The following DEDD variants were observed in gnomAD, a reference collection of about 807,000 sequenced individuals.
The protein encoded by DEDD is death effector domain-containing protein.
In DEDD, 3 loss-of-function variants were observed where a neutral mutation model predicts 29.2. The ratio of observed to expected loss-of-function variants is 0.10; its 90% confidence interval spans 0.05 to 0.27. DEDD has a LOEUF of 0.27. Ranked by LOEUF, DEDD falls within the 10% of genes least tolerant of loss-of-function variation. The probability of loss-of-function intolerance (pLI) is 1.00; values close to 1 mark genes in which losing one functional copy is unlikely to be tolerated. For synonymous variants in DEDD, 152 were observed against 161.3 expected (o/e 0.94, Z 0.44); for missense variants, 261 against 420.5 (o/e 0.62, Z 3.32).
Position 161,130,161 on chromosome 1 carries a change from A to T in DEDD, c.-65+654T>A, listed in dbSNP as rs1571239989. Among the ~76,000 whole-genome samples the T allele has an allele frequency of 2.0e-5, 3 of 152,352 alleles. No individual in the cohort carries two copies. The Middle Eastern group carries it at 0.01, about 518-fold the overall frequency. ...CTGTCTTGAAATGAAAATGACAGTC[A>T]TCTTTTCTGAACAGGGATGATATTT... On this transcript the variant is annotated intron_variant, in intron 2 of 5. Coordinates refer to ENST00000368006, the MANE Select transcript of DEDD (RefSeq NM_032998.3).
In DEDD at chr1:161,124,544, G is replaced by A; in HGVS notation, c.-64-18C>T. 7.9e-6 allele frequency: 12 copies of A among 1,523,874 alleles called. No individual in the cohort carries two copies. The highest frequency in any genetic ancestry group is 1.4e-5 in the African/African-American group (1 of 72,472). 94.4% of individuals were successfully genotyped at this position (1,523,874 alleles called of 1,614,324 possible). On this transcript the variant is annotated intron_variant, in intron 2 of 5. Coordinates refer to ENST00000368006, the MANE Select transcript of DEDD (RefSeq NM_032998.3). ...CCACCGTACTGAAAGGGCAGGGAAAGAACCGATGAGACACTCAAGGGCAGG... is the reference window on the plus strand; with the variant it reads ...CCACCGTACTGAAAGGGCAGGGAAAAAACCGATGAGACACTCAAGGGCAGG...
At position 161,121,063 on chromosome 1, in the gene DEDD, A is replaced by C; in HGVS notation, c.*1084T>G. On this transcript the variant is annotated 3_prime_UTR_variant, in exon 6 of 6. Transcript: ENST00000368006. ...GGCATTGAAAAATATAATAATCATA[A>C]AGTCTGTGTCTGGACATCGCCTTTG... 1 of 1,230,494 alleles carries C rather than the reference A, an allele frequency of 8.1e-7. No homozygotes were observed. The highest frequency in any genetic ancestry group is 1.9e-5 in the South Asian group (1 of 53,920). 76.2% of individuals were successfully genotyped at this position (1,230,494 alleles called of 1,614,324 possible). A position where few individuals can be genotyped will look rare whatever the true frequency, so the allele number is the denominator to read the frequency against.
At chr1:161,129,227 G>A (rs969623161) in intron 2 of DEDD, among the ~76,000 whole-genome samples, 1 of 152,180 alleles carries the variant, frequency 6.6e-6, no homozygotes, top group African/African-American at 2.4e-5. Context: ...TGTCATGCAG[G>A]TTAAGAGGCA....
At chr1:161,130,434 AAGTT>A (rs1354523225) in intron 2 of DEDD, among the ~76,000 whole-genome samples, 6 of 152,294 alleles carry the variant, frequency 3.9e-5, no homozygotes, top group South Asian at 2.1e-4. Flanking sequence ...CTGAAAGAGA[AAGTT>A]AGAGGAAAAG....
Position 161,122,054 on chromosome 1 carries a change from A to T in DEDD, c.*93T>A. On this transcript the variant is annotated 3_prime_UTR_variant, in exon 6 of 6. Transcript: ENST00000368006. This position sits in a 1 kb window ranked among gnomAD's most constrained non-coding sequence, Gnocchi z 4.2. ...AAAAAAAAAAAAAGGCAGGGGTGTG[A>T]TTGGTTGGAAGGGTAGAGAACAAAC... is the stretch of plus-strand genomic sequence containing the variant. 2.1e-4 allele frequency: 251 copies of T among 1,203,388 alleles called. No homozygotes were observed. The highest frequency in any genetic ancestry group is 3.0e-4 in the Middle Eastern group (1 of 3,362). The allele number at this position is 1,203,388 out of a possible 1,614,324, so 74.5% of individuals were successfully genotyped here.
At chr1:161,124,557 A>G in intron 2 of DEDD, 31 bp from the exon 3 acceptor site, 3 of 1,509,560 alleles carry the variant, frequency 2.0e-6, no homozygotes, top group Non-Finnish European at 1.8e-6. Context: ...CCGATGAGAC[A>G]CTCAAGGGCA....
In DEDD at chr1:161,124,121, C is replaced by T; in HGVS notation, c.325+17G>A. ...CCCACAACTCTTCCCTGATTCCAGC[C>T]CCTAATACTTCCTCACCAGCCCGTC... is the stretch of plus-strand genomic sequence containing the variant. On this transcript the variant is annotated intron_variant, in intron 3 of 5. Transcript: ENST00000368006. 1.9e-6 allele frequency: 3 copies of T among 1,604,922 alleles called. No homozygotes were observed. Among genetic ancestry groups the T allele is most frequent in the Non-Finnish European group, 2.6e-6 (3 of 1,174,294 alleles).
chr1:161,127,592 T>A (rs377100924), intron 2 of DEDD, among the ~76,000 whole-genome samples: 4 of 152,348 alleles, frequency 2.6e-5, no homozygotes, highest in African/African-American at 9.6e-5. Flanking sequence ...ACAGGAAATG[T>A]AATCCATATA....
rs1306879147 is a variant in DEDD at position 161,123,218 on chromosome 1, G to A, written c.437C>T (p.Pro146Leu). The A allele has an allele frequency of 6.2e-7, 1 of 1,612,490 alleles. No homozygotes were observed. Among genetic ancestry groups the A allele is most frequent in the African/African-American group, 1.3e-5 (1 of 74,886 alleles). The stretch of plus-strand genomic sequence containing the variant: ...GCAACACACCACAGGATAGTGGGGA[G>A]GCACTGACCAGAAAGTAAAAGGGAA... Reference protein sequence around the residue: ...PRPPQPSKTVPPHYPVVCCPT... With the variant: ...PRPPQPSKTVLPHYPVVCCPT... Residue 146 changes from proline to leucine, a missense_variant, in exon 5 of 6, where the codon CCT (proline) becomes CTT (leucine). Around this residue, in one of 2 missense-constraint regions of DEDD, gnomAD observed 203 missense variants for 268.7 expected, o/e 0.76. Transcript: ENST00000368006.
rs771191193 is a variant in DEDD at position 161,124,401 on chromosome 1, T to A, written c.62A>T (p.His21Leu). 6.2e-7 allele frequency: 1 copy of A among 1,613,234 alleles called. No homozygotes were observed. The highest frequency in any genetic ancestry group is 1.7e-5 in the Admixed American group (1 of 60,004). The change falls in exon 3 of 6, where the codon CAT becomes CTT. Residue 21 changes from histidine to leucine, a missense_variant. Transcript: ENST00000368006. Reference sequence around the variant, plus strand: ...CATGCGGTGCAGGCTGTACAGCCCATGTTCCTGCTCACCATGCTCTTCTGG... The same window carrying A: ...CATGCGGTGCAGGCTGTACAGCCCAAGTTCCTGCTCACCATGCTCTTCTGG... Reference protein sequence around the residue: ...VWPEEHGEQEHGLYSLHRMFD... With the variant: ...VWPEEHGEQELGLYSLHRMFD...
rs915181126 is a variant in DEDD, at chr1:161,121,147, C to T, written c.*1000G>A. ...GGACTAAGCTCCAGTTCTAGACCTC[C>T]TGGCTCATTCAACATGCCTCCCTAC... On this transcript the variant is annotated 3_prime_UTR_variant, in exon 6 of 6. Coordinates refer to ENST00000368006, the MANE Select transcript of DEDD (RefSeq NM_032998.3). 9.4e-7 allele frequency: 1 copy of T among 1,067,210 alleles called. No homozygotes were observed. Among genetic ancestry groups the T allele is most frequent in the South Asian group, 2.9e-5 (1 of 34,464 alleles). 66.1% of individuals were successfully genotyped at this position (1,067,210 alleles called of 1,614,324 possible).
In DEDD at chr1:161,121,821, A is replaced by G. The variant is rs561744233; in HGVS notation, c.*326T>C. 3.8e-5 allele frequency: 9 copies of G among 235,248 alleles called. No homozygotes were observed. The South Asian group carries it at 8.3e-4, about 22-fold the overall frequency. The allele number at this position is 235,248 out of a possible 1,614,324, so 14.6% of individuals were successfully genotyped here. ...GATAACTCCTTAGTGCATCCAAAAA[A>G]AAGTGTTCACATCAATCCCTTACAA... is the stretch of plus-strand genomic sequence containing the variant. On this transcript the variant is annotated 3_prime_UTR_variant, in exon 6 of 6. Coordinates refer to ENST00000368006, the MANE Select transcript of DEDD (RefSeq NM_032998.3).
At position 161,123,831 on chromosome 1, in the gene DEDD, C is replaced by T. The variant is rs1301157098; in HGVS notation, c.433+8G>A. Reference sequence around the variant, plus strand: ...GATGGAAAGCAGGGGGAGTTAATGTCTTCTCACCTGTTTTAGAGGGCTGGG... The same window carrying T: ...GATGGAAAGCAGGGGGAGTTAATGTTTTCTCACCTGTTTTAGAGGGCTGGG... On this transcript the variant is annotated splice_region_variant and intron_variant, in intron 4 of 5. Transcript: ENST00000368006. 6.2e-7 allele frequency: 1 copy of T among 1,610,028 alleles called. No homozygotes were observed. Among genetic ancestry groups the T allele is most frequent in the Admixed American group, 1.7e-5 (1 of 59,676 alleles).
Position 161,132,260 on chromosome 1 carries a change from C to T in DEDD, c.-98+291G>A, listed in dbSNP as rs185222223. 6.1e-4 allele frequency: 95 copies of T among 155,398 alleles called. 1 individual carries two copies. The highest frequency in any genetic ancestry group is 1.9e-3 in the African/African-American group (80 of 41,480). The allele number at this position is 155,398 out of a possible 1,614,324, so 9.6% of individuals were successfully genotyped here. On this transcript the variant is annotated intron_variant, in intron 1 of 5. Coordinates refer to ENST00000368006, the MANE Select transcript of DEDD (RefSeq NM_032998.3). ...CTCCCCACCTCGGCCTCTCTAATACCCCTGGCTGGGCCCAGTCTCAGCCCT... is the reference window on the plus strand; with the variant it reads ...CTCCCCACCTCGGCCTCTCTAATACTCCTGGCTGGGCCCAGTCTCAGCCCT...
intron 2 of DEDD, among the ~76,000 whole-genome samples, chr1:161,128,026 A>G (rs548216533): frequency 5.3e-5 from 8 of 152,318 alleles, no homozygotes; most frequent in African/African-American, 1.9e-4. Context: ...GGTCCTAATT[A>G]TGTATCAATG....
Position 161,122,273 on chromosome 1 carries a change from G to A in DEDD, c.831C>T (p.Ile277=). ...SLLEALKGVF[I]TDSLKQAVGH... ...CCACAGCTTGCTTGAGGGAGTCTGTGATGAAGACACCTTTAAGTGCCTCTA... is the reference window on the plus strand; with the variant it reads ...CCACAGCTTGCTTGAGGGAGTCTGTAATGAAGACACCTTTAAGTGCCTCTA... The change falls in exon 6 of 6, where the codon ATC becomes ATT. Residue 277 remains isoleucine (I), a synonymous_variant. Transcript: ENST00000368006. This position sits in a 1 kb window ranked among gnomAD's most constrained non-coding sequence, Gnocchi z 4.2. The A allele has an allele frequency of 6.2e-7, 1 of 1,614,244 alleles. No individual in the cohort carries two copies. The highest frequency in any genetic ancestry group is 8.5e-7 in the Non-Finnish European group (1 of 1,180,044).
rs952661500 is a variant in DEDD, at chr1:161,126,982, A to G, written c.-64-2456T>C. 5.3e-5 allele frequency among the ~76,000 whole-genome samples: 8 copies of G among 152,340 alleles called. No homozygotes were observed. The South Asian group carries it at 6.2e-4, about 12-fold the overall frequency. On this transcript the variant is annotated intron_variant, in intron 2 of 5. Coordinates refer to ENST00000368006, the MANE Select transcript of DEDD (RefSeq NM_032998.3). ...TCTGTGCGCTTATGGAACACTATGC[A>G]TATCTCCTTTACACCATTTATCACC... is the stretch of plus-strand genomic sequence containing the variant.
chr1:161,124,038 A>T, intron 3 of DEDD, 92 bp from the exon 4 acceptor site: 1 of 1,579,412 alleles, frequency 6.3e-7, no homozygotes, highest in Non-Finnish European at 8.6e-7. Context: ...TACTCTAAGT[A>T]CTCCCCAGGA....
chr1:161,121,974 T>G lies in DEDD; in HGVS notation c.*173A>C, dbSNP rs1571213723. On this transcript the variant is annotated 3_prime_UTR_variant, in exon 6 of 6. Transcript: ENST00000368006. Reference sequence around the variant, plus strand: ...TAAAGGGGAAGCCCAGGCACATGGGTGCAGGGAGGGGTGGGGAATACCACT... The same window carrying G: ...TAAAGGGGAAGCCCAGGCACATGGGGGCAGGGAGGGGTGGGGAATACCACT... The G allele has an allele frequency of 1.3e-6, 1 of 787,478 alleles. No homozygotes were observed. The highest frequency in any genetic ancestry group is 2.0e-6 in the Non-Finnish European group (1 of 509,674). The allele number at this position is 787,478 out of a possible 1,614,324, so 48.8% of individuals were successfully genotyped here. A position where few individuals can be genotyped will look rare whatever the true frequency, so the allele number is the denominator to read the frequency against.
Sources: gnomAD v4.1 joint callset for allele counts (sites outside exome capture counted in the v4.1 genomes callset) on GRCh38, gnomAD v4.1.1 for gene constraint, gnomAD v4.1.1 regional missense constraint, Gnocchi (gnomAD v3.1) non-coding constraint, MANE v1.5 for transcripts, NCBI Gene and HGNC (gene_info 2026-07-23, HGNC 2026-07-21) for gene names.